Variants in TBC1D5 observed in about 807,000 individuals in gnomAD.
The protein encoded by TBC1D5 is TBC1 domain family member 5.
In TBC1D5, 75 loss-of-function variants were observed where a neutral mutation model predicts 100.3. The observed-to-expected ratio is 0.75, with a 90% CI of 0.62 to 0.91. The LOEUF (loss-of-function observed/expected upper bound fraction) is 0.91. TBC1D5 is among the 40% of genes least tolerant of loss of function. TBC1D5 has a pLI of 0.00. For synonymous variants in TBC1D5, 323 were observed against 325.6 expected (o/e 0.99, Z 0.09); for missense variants, 910 against 942.4 (o/e 0.97, Z 0.45).
intron 2 of TBC1D5, among the ~76,000 whole-genome samples, chr3:17,538,372 C>T (rs577012902): frequency 3.3e-5 from 5 of 152,108 alleles, no homozygotes; most frequent in South Asian, 2.1e-4. Flanking sequence ...TGGGAACGCT[C>T]GACAGGTAAG....
At chr3:17,687,592 A>C (rs1235752100) in intron 1 of TBC1D5, among the ~76,000 whole-genome samples, 2 of 152,128 alleles carry the variant, frequency 1.3e-5, no homozygotes, top group Non-Finnish European at 1.5e-5. Context: ...AGCTCCAACT[A>C]TAAGGGGCCC....
chr3:17,326,602 A>G (rs1559638966), intron 13 of TBC1D5, among the ~76,000 whole-genome samples: 1 of 152,160 alleles, frequency 6.6e-6, no homozygotes, highest in Non-Finnish European at 1.5e-5. Context: ...CCTCCTGAGT[A>G]GCTGAGACCA....
chr3:17,678,142 T>TA (rs1324318204), intron 1 of TBC1D5, among the ~76,000 whole-genome samples: 4 of 151,796 alleles, frequency 2.6e-5, no homozygotes, highest in African/African-American at 7.3e-5. Context: ...AAGTATAATT[T>TA]AAAAAAAAGA....
chr3:17,545,205 C>G (rs981448478), intron 2 of TBC1D5, among the ~76,000 whole-genome samples: 3 of 152,024 alleles, frequency 2.0e-5, no homozygotes, highest in African/African-American at 7.2e-5. Flanking sequence ...GCCTTTACAG[C>G]AAAAACCAAG....
chr3:17,729,700 G>C (rs2076403715), intron 1 of TBC1D5, among the ~76,000 whole-genome samples: 1 of 151,856 alleles, frequency 6.6e-6, no homozygotes, highest in African/African-American at 2.4e-5. Context: ...GAGCGAGACT[G>C]TCTCAAAAAC....
chr3:17,649,320 A>C (rs2065310272), intron 1 of TBC1D5, among the ~76,000 whole-genome samples: 1 of 152,034 alleles, frequency 6.6e-6, no homozygotes, highest in Non-Finnish European at 1.5e-5. Flanking sequence ...CGTCTACTTG[A>C]GGGTGGAGGC....
At chr3:17,277,305 C>G (rs1046465333) in intron 15 of TBC1D5, among the ~76,000 whole-genome samples, 9 of 152,182 alleles carry the variant, frequency 5.9e-5, no homozygotes, top group African/African-American at 1.9e-4. Flanking sequence ...CACTATCACT[C>G]TAATCCTTTG....
chr3:17,494,919 ACCC>A (rs2095686741), intron 3 of TBC1D5, among the ~76,000 whole-genome samples: 1 of 152,130 alleles, frequency 6.6e-6, no homozygotes, highest in Non-Finnish European at 1.5e-5. Context: ...ATGAGGGGAT[ACCC>A]TGATCCCTGG....
intron 2 of TBC1D5, among the ~76,000 whole-genome samples, chr3:17,518,572 G>A (rs897769927): frequency 1.2e-4 from 18 of 152,144 alleles, no homozygotes; most frequent in Admixed American, 2.6e-4. Context: ...AAAATCCCCC[G>A]CATTTACCAT....
intron 2 of TBC1D5, among the ~76,000 whole-genome samples, chr3:17,564,943 C>T (rs1353681125): frequency 1.3e-5 from 2 of 151,902 alleles, no homozygotes; most frequent in South Asian, 4.2e-4. Context: ...TGTGCTTTTG[C>T]TCAATTATAT....
chr3:17,221,291 T>C (rs1011926356), intron 17 of TBC1D5, among the ~76,000 whole-genome samples: 2 of 151,852 alleles, frequency 1.3e-5, no homozygotes, highest in African/African-American at 4.8e-5. Context: ...TTTTTAATTT[T>C]ATTATTATTA....
At chr3:17,612,354 C>A (rs537220070) in intron 2 of TBC1D5, among the ~76,000 whole-genome samples, 2 of 150,040 alleles carry the variant, frequency 1.3e-5, no homozygotes, top group Admixed American at 6.7e-5. Flanking sequence ...AGAGGCTAGG[C>A]GCGGTGGCTC....
Position 17,161,185 on chromosome 3 carries a change from A to G in TBC1D5, c.2166T>C (p.Asp722=), listed in dbSNP as rs765929012. 6 of 1,614,226 alleles carry G rather than the reference A, an allele frequency of 3.7e-6. No homozygotes were observed. The Admixed American group carries it at 5.0e-5, about 13-fold the overall frequency. ...AGGAGCCCCTGGCACTGCTCCCATC[A>G]TCATCTTTGGAAATCAGGATGAAGT... is the stretch of plus-strand genomic sequence containing the variant. The change falls in exon 22 of 22, where the codon GAT becomes GAC. Residue 722 remains aspartate (D), a synonymous_variant. Transcript: ENST00000253692.
At chr3:17,464,707 C>A (rs2095273440) in intron 3 of TBC1D5, among the ~76,000 whole-genome samples, 1 of 152,140 alleles carries the variant, frequency 6.6e-6, no homozygotes, top group African/African-American at 2.4e-5. Context: ...TAAAACCATA[C>A]ATGAATCATC....
chr3:17,600,361 T>C (rs2153588521), intron 2 of TBC1D5, among the ~76,000 whole-genome samples: 1 of 152,352 alleles, frequency 6.6e-6, no homozygotes, highest in Middle Eastern at 3.4e-3. Flanking sequence ...GTCACATGTA[T>C]TTATTAATGC....
intron 21 of TBC1D5, among the ~76,000 whole-genome samples, chr3:17,164,755 C>G (rs988207705): frequency 4.6e-5 from 7 of 152,230 alleles, no homozygotes; most frequent in African/African-American, 1.7e-4. Flanking sequence ...CCCTTATCAG[C>G]CTAGCCCAGA....
intron 1 of TBC1D5, among the ~76,000 whole-genome samples, chr3:17,656,710 T>C (rs1343808364): frequency 6.6e-6 from 1 of 152,180 alleles, no homozygotes; most frequent in Non-Finnish European, 1.5e-5. Flanking sequence ...GTATGTCAAA[T>C]ACTACTTTTT....
intron 15 of TBC1D5, among the ~76,000 whole-genome samples, chr3:17,270,187 C>T (rs2079248780): frequency 1.2e-4 from 18 of 152,088 alleles, no homozygotes; most frequent in Admixed American, 1.2e-3. Flanking sequence ...TAATAGTCAT[C>T]CTGACTGGTG....
chr3:17,349,134 A>C (rs540197317), intron 13 of TBC1D5, among the ~76,000 whole-genome samples: 1 of 152,334 alleles, frequency 6.6e-6, no homozygotes, highest in East Asian at 1.9e-4. Context: ...GGGATTCTAT[A>C]CATACATGAG....
Sources: allele counts gnomAD v4.1 joint callset (sites outside exome capture counted in the v4.1 genomes callset), GRCh38; gene constraint gnomAD v4.1.1; transcripts MANE v1.5; gene names NCBI Gene and HGNC (gene_info 2026-07-23, HGNC 2026-07-21).